Variants in DYNC1I2 observed in about 807,000 individuals in gnomAD.
DYNC1I2 encodes the protein cytoplasmic dynein 1 intermediate chain 2.
A neutral mutation model predicts 88.6 loss-of-function variants in DYNC1I2; 53 were observed. The observed-to-expected ratio is 0.60, with a 90% CI of 0.48 to 0.75. The LOEUF is 0.75. Among genes scored for constraint, DYNC1I2 ranks in the 30% least tolerant of loss-of-function variants. The pLI, the probability that DYNC1I2 is intolerant of heterozygous loss-of-function variation, is 0.00. For synonymous variants in DYNC1I2, 198 were observed against 254.6 expected, an observed-to-expected ratio of 0.78 and a Z score of 2.12; for missense variants, 458 against 766.6, an observed-to-expected ratio of 0.60 and a Z score of 4.75.
At chr2:171,713,932 T>A (rs776059047) in intron 6 of DYNC1I2, among the ~76,000 whole-genome samples, 5 of 152,186 alleles carry the variant, frequency 3.3e-5, no homozygotes, top group Non-Finnish European at 7.4e-5. Flanking sequence ...CCTACCCACC[T>A]CCTCCTATAA....
intron 3 of DYNC1I2, among the ~76,000 whole-genome samples, chr2:171,704,169 T>G (rs144541092): frequency 5.9e-5 from 9 of 152,280 alleles, no homozygotes; most frequent in African/African-American, 1.9e-4. Flanking sequence ...ATTCTAGTTG[T>G]TTCTTCACAG....
At position 171,748,113 on chromosome 2, in the gene DYNC1I2, C is replaced by T. The variant is rs1281012341; in HGVS notation, c.*224C>T. Reference sequence around the variant, plus strand: ...TATAGCTGATTGACTTCACAGAAAGCAGCTTTTTTGAATTCTAATACATAG... The same window carrying T: ...TATAGCTGATTGACTTCACAGAAAGTAGCTTTTTTGAATTCTAATACATAG... On this transcript the variant is annotated 3_prime_UTR_variant, in exon 18 of 18. Transcript: ENST00000397119. 1 of 451,384 alleles carries T rather than the reference C, an allele frequency of 2.2e-6. No homozygotes were observed. Among genetic ancestry groups the T allele is most frequent in the Non-Finnish European group, 3.9e-6 (1 of 253,380 alleles). 28.0% of individuals were successfully genotyped at this position (451,384 alleles called of 1,614,324 possible).
intron 1 of DYNC1I2, among the ~76,000 whole-genome samples, chr2:171,689,194 A>T (rs190720173): frequency 6.6e-6 from 1 of 152,334 alleles, no homozygotes; most frequent in East Asian, 1.9e-4. Context: ...ACTAAAAAAC[A>T]GTCCCTGATT....
In DYNC1I2 at chr2:171,749,407, GC is replaced by G. The variant is rs2105803538; in HGVS notation, c.*1521del. On this transcript the variant is annotated 3_prime_UTR_variant, in exon 18 of 18. Transcript: ENST00000397119. The stretch of plus-strand genomic sequence containing the variant: ...TTTCATAAATTAATACCCCATAATT[GC>G]CCATTATATACCAAAGACAATATCT... Among the ~76,000 whole-genome samples, 1 of 152,070 alleles carries G rather than the reference GC, an allele frequency of 6.6e-6. No homozygotes were observed. Among genetic ancestry groups the G allele is most frequent in the African/African-American group, 2.4e-5 (1 of 41,506 alleles).
At chr2:171,728,113 A>ATTT in intron 12 of DYNC1I2, 146 bp downstream of exon 12, 2 of 850,088 alleles carry the variant, frequency 2.4e-6, no homozygotes, top group Non-Finnish European at 3.2e-6. Context: ...AATGAAGGCT[A>ATTT]TTTTTTTTTT....
intron 3 of DYNC1I2, among the ~76,000 whole-genome samples, chr2:171,699,501 T>C (rs932586061): frequency 1.3e-5 from 2 of 152,168 alleles, no homozygotes; most frequent in Non-Finnish European, 2.9e-5. Flanking sequence ...TGCCTGTTTC[T>C]TAAAAGCTCA....
intron 5 of DYNC1I2, among the ~76,000 whole-genome samples, chr2:171,712,226 A>T (rs1414391562): frequency 6.6e-6 from 1 of 152,158 alleles, no homozygotes; most frequent in Non-Finnish European, 1.5e-5. Context: ...AACTTTAGCT[A>T]TTTTGTATCC....
At position 171,712,840 on chromosome 2, in the gene DYNC1I2, T is replaced by C. The variant is rs746068238; in HGVS notation, c.395+14T>C. On this transcript the variant is annotated intron_variant, in intron 6 of 17. Transcript: ENST00000397119. ...TTCCGATTTGGGGTATTGAATAGAT[T>C]TTTTACCTTCCCTGTTTTATAATGA... is the stretch of plus-strand genomic sequence containing the variant. 1 of 1,605,656 alleles carries C rather than the reference T, an allele frequency of 6.2e-7. No homozygotes were observed. Among genetic ancestry groups the C allele is most frequent in the South Asian group, 1.1e-5 (1 of 90,660 alleles).
At chr2:171,735,952 A>G (rs1688974814) in intron 15 of DYNC1I2, among the ~76,000 whole-genome samples, 1 of 152,232 alleles carries the variant, frequency 6.6e-6, no homozygotes, top group South Asian at 2.1e-4. Context: ...TTAATGTGGT[A>G]ATTTCTTGGA....
chr2:171,727,006 A>C, intron 11 of DYNC1I2, 90 bp downstream of exon 11: 1 of 1,366,230 alleles, frequency 7.3e-7, no homozygotes, highest in Non-Finnish European at 9.7e-7. Flanking sequence ...TTGTCAACAT[A>C]ATGATTTCAT....
In DYNC1I2 at chr2:171,744,095, A is replaced by G; in HGVS notation, c.1583A>G (p.Tyr528Cys). Reference sequence around the variant, plus strand: ...TTTGAAGATAATGCAGACTATGTTTATGATGTTATGTGGTCACCTACCCAC... The same window carrying G: ...TTTGAAGATAATGCAGACTATGTTTGTGATGTTATGTGGTCACCTACCCAC... ...YSFEDNADYVYDVMWSPTHPA... is the reference protein window; with the variant it reads ...YSFEDNADYVCDVMWSPTHPA... The change falls in exon 16 of 18, where the codon TAT (tyrosine) becomes TGT (cysteine). Residue 528 changes from tyrosine to cysteine, a missense_variant. Tyr to Cys is a radical substitution (Grantham distance 194). Coordinates refer to ENST00000397119, the MANE Select transcript of DYNC1I2 (RefSeq NM_001378.3). 1.2e-6 allele frequency: 2 copies of G among 1,612,954 alleles called. No individual in the cohort carries two copies. The highest frequency in any genetic ancestry group is 1.7e-6 in the Non-Finnish European group (2 of 1,179,600).
At chr2:171,714,186 A>G (rs1192519169) in intron 6 of DYNC1I2, among the ~76,000 whole-genome samples, 2 of 152,048 alleles carry the variant, frequency 1.3e-5, no homozygotes, top group East Asian at 3.8e-4. Flanking sequence ...TTCTTTGACT[A>G]TACTTTTTTT....
intron 15 of DYNC1I2, among the ~76,000 whole-genome samples, chr2:171,738,608 T>C (rs1022077291): frequency 2.6e-5 from 4 of 152,222 alleles, no homozygotes; most frequent in African/African-American, 4.8e-5. Context: ...TTTGGGTATA[T>C]ACCTAGAGTG....
At chr2:171,740,251 C>G (rs1318224359) in intron 15 of DYNC1I2, among the ~76,000 whole-genome samples, 1 of 152,128 alleles carries the variant, frequency 6.6e-6, no homozygotes, top group Non-Finnish European at 1.5e-5. Flanking sequence ...TCCACCAGAC[C>G]TTACGTTAAC....
At chr2:171,731,889 C>T (rs185454683) in intron 15 of DYNC1I2, among the ~76,000 whole-genome samples, 1 of 152,262 alleles carries the variant, frequency 6.6e-6, no homozygotes, top group East Asian at 1.9e-4. Context: ...AAAGGCAAGA[C>T]AGTTAAAGGA....
At chr2:171,709,309 C>G (rs796488195) in intron 5 of DYNC1I2, among the ~76,000 whole-genome samples, 22 of 151,790 alleles carry the variant, frequency 1.4e-4, no homozygotes, top group African/African-American at 5.1e-4. Flanking sequence ...TATGGACAAC[C>G]CAGAGATTAT....
chr2:171,740,255 C>T (rs1000972479), intron 15 of DYNC1I2, among the ~76,000 whole-genome samples: 9 of 152,170 alleles, frequency 5.9e-5, no homozygotes, highest in African/African-American at 7.2e-5. Context: ...CCAGACCTTA[C>T]GTTAACGTCT....
chr2:171,702,081 A>G (rs1686306019), intron 3 of DYNC1I2, among the ~76,000 whole-genome samples: 1 of 152,244 alleles, frequency 6.6e-6, no homozygotes, highest in Admixed American at 6.5e-5. Flanking sequence ...ATGTGTAGGC[A>G]TGTGAGATTG....
At chr2:171,745,710 G>A (rs1574647426) in intron 16 of DYNC1I2, 92 bp from the exon 17 acceptor site, 1 of 1,354,384 alleles carries the variant, frequency 7.4e-7, no homozygotes. Flanking sequence ...TTTTAAAAAT[G>A]TAGCCAGCTT....
Sources: gnomAD v4.1 joint callset for allele counts (sites outside exome capture counted in the v4.1 genomes callset) on GRCh38, gnomAD v4.1.1 for gene constraint, MANE v1.5 for transcripts, NCBI Gene and HGNC (gene_info 2026-07-23, HGNC 2026-07-21) for gene names.